SRPK2: variants seen among roughly 807,000 people sequenced by gnomAD.
The protein encoded by SRPK2 is SRSF protein kinase 2.
SRPK2 carries 21 observed loss-of-function variants against 90.8 expected under a neutral mutation model. The observed-to-expected ratio is 0.23, with a 90% confidence interval of 0.16 to 0.33. SRPK2 has a LOEUF of 0.33. SRPK2 is among the 10% of genes least tolerant of loss of function. The pLI is 1.00. For synonymous variants in SRPK2, 288 were observed against 311.1 expected (o/e 0.93, Z 0.78); for missense variants, 620 against 869.0 (o/e 0.71, Z 3.60).
At chr7:105,153,739 TG>T (rs1806097255) in intron 7 of SRPK2, among the ~76,000 whole-genome samples, 1 of 152,128 alleles carries the variant, frequency 6.6e-6, no homozygotes, top group South Asian at 2.1e-4. Context: ...TCCTACTCTG[TG>T]GGTAACAGAA....
At chr7:105,135,478 G>A (rs1467598739) in intron 11 of SRPK2, among the ~76,000 whole-genome samples, 4 of 152,176 alleles carry the variant, frequency 2.6e-5, no homozygotes, top group Admixed American at 6.5e-5. Flanking sequence ...AGCAAGTTCC[G>A]CCCCCACAAA....
chr7:105,159,506 G>C (rs145537563), intron 7 of SRPK2, among the ~76,000 whole-genome samples: 6 of 136,098 alleles, frequency 4.4e-5, no homozygotes, highest in Non-Finnish European at 9.5e-5. Flanking sequence ...GAACACACAG[G>C]CAGGCTAAAC....
chr7:105,361,550 C>T (rs911691339), intron 2 of SRPK2, among the ~76,000 whole-genome samples: 3 of 152,142 alleles, frequency 2.0e-5, no homozygotes, highest in Non-Finnish European at 4.4e-5. Flanking sequence ...AAACTGGAGG[C>T]ATCATGCTAC....
chr7:105,180,291 T>A (rs986318301), intron 3 of SRPK2, among the ~76,000 whole-genome samples: 1 of 152,122 alleles, frequency 6.6e-6, no homozygotes, highest in Non-Finnish European at 1.5e-5. Context: ...AACCAGCTGA[T>A]CTTTGACAAA....
chr7:105,316,199 A>C (rs968534810), intron 2 of SRPK2, among the ~76,000 whole-genome samples: 2 of 151,946 alleles, frequency 1.3e-5, no homozygotes, highest in African/African-American at 4.8e-5. Context: ...TAATTTTTGT[A>C]TTTTTAGTAG....
intron 2 of SRPK2, among the ~76,000 whole-genome samples, chr7:105,244,011 A>C (rs1301873342): frequency 6.6e-6 from 1 of 152,184 alleles, no homozygotes; most frequent in Non-Finnish European, 1.5e-5. Flanking sequence ...TGGGTATTTC[A>C]AACATTGAGT....
At chr7:105,173,971 G>A (rs1369027343) in intron 3 of SRPK2, among the ~76,000 whole-genome samples, 2 of 145,790 alleles carry the variant, frequency 1.4e-5, no homozygotes, top group Non-Finnish European at 3.0e-5. Flanking sequence ...TTAGCCGGGT[G>A]CAGTGGCTCA....
intron 2 of SRPK2, among the ~76,000 whole-genome samples, chr7:105,257,098 T>C (rs1246798164): frequency 7.9e-5 from 12 of 152,194 alleles, no homozygotes; most frequent in Admixed American, 7.9e-4. Context: ...TACACTGATA[T>C]TCTGTACAAA....
chr7:105,226,385 G>A (rs945975600), intron 2 of SRPK2, among the ~76,000 whole-genome samples: 5 of 152,046 alleles, frequency 3.3e-5, no homozygotes, highest in Non-Finnish European at 7.4e-5. Context: ...CACCTCCAGG[G>A]TTCAAGTGAA....
At chr7:105,184,698 G>A (rs1225539805) in intron 3 of SRPK2, among the ~76,000 whole-genome samples, 1 of 152,118 alleles carries the variant, frequency 6.6e-6, no homozygotes, top group Non-Finnish European at 1.5e-5. Context: ...CAGTTTGGCT[G>A]GATGTAAAAT....
intron 2 of SRPK2, among the ~76,000 whole-genome samples, chr7:105,377,386 A>G (rs1459394509): frequency 6.6e-6 from 1 of 151,852 alleles, no homozygotes; most frequent in Non-Finnish European, 1.5e-5. Flanking sequence ...AGGAATTTAT[A>G]TAGAGACCTC....
intron 2 of SRPK2, among the ~76,000 whole-genome samples, chr7:105,294,815 C>T (rs923013496): frequency 6.6e-6 from 1 of 152,140 alleles, no homozygotes; most frequent in Non-Finnish European, 1.5e-5. Context: ...TGTGAGCCAC[C>T]GCACCCAACC....
Position 105,127,011 on chromosome 7 carries a change from C to A in SRPK2, c.1804G>T (p.Asp602Tyr). 2 of 1,614,200 alleles carry A rather than the reference C, an allele frequency of 1.2e-6. No individual in the cohort carries two copies. The highest frequency in any genetic ancestry group is 1.7e-6 in the Non-Finnish European group (2 of 1,180,024). The part of the protein sequence containing the change: ...DYLFEPHSGE[D>Y]YSRDEDHIAH... ...TACTCACCTTCGTCTCTGGAATAGT[C>A]TTCCCCAGAATGTGGTTCAAACAAA... Residue 602 changes from aspartate (D) to tyrosine (Y), a missense_variant, in exon 14 of 16, where the codon GAC becomes TAC. By Grantham distance (160) the Asp-to-Tyr change is radical. Coordinates refer to ENST00000393651, the MANE Select transcript of SRPK2 (RefSeq NM_182692.3).
chr7:105,149,346 G>A (rs576654030), intron 7 of SRPK2, among the ~76,000 whole-genome samples: 93 of 152,252 alleles, frequency 6.1e-4, no homozygotes, highest in South Asian at 8.3e-4. Flanking sequence ...GTACGTGCAC[G>A]TCCAGTCATA....
chr7:105,149,336 G>C (rs190685132), intron 7 of SRPK2, among the ~76,000 whole-genome samples: 2,774 of 152,252 alleles, frequency 0.018, 30 homozygotes, highest in Non-Finnish European at 0.026. Context: ...TAAATCTGGT[G>C]TACGTGCACG....
chr7:105,170,835 GGAAGAAAGAAAGA>G lies in SRPK2; in HGVS notation c.230-1583_230-1571del, dbSNP rs1790785212. ...AGAGAGGGAGAGAAAGAGAAAGAAAGGAAGAAAGAAAGAAAGAAAGAAAGAAAGAAAGAAAGAA... is the reference window on the plus strand; with the variant it reads ...AGAGAGGGAGAGAAAGAGAAAGAAAGAAGAAAGAAAGAAAGAAAGAAAGAA... On this transcript the variant is annotated intron_variant, in intron 3 of 15. Transcript: ENST00000393651. 1.2e-3 allele frequency among the ~76,000 whole-genome samples: 117 copies of G among 98,938 alleles called. 5 individuals carry two copies. Among genetic ancestry groups the G allele is most frequent in the African/African-American group, 4.1e-3 (98 of 23,762 alleles). 64.9% of individuals were successfully genotyped at this position (98,938 alleles called of 152,430 possible).
At chr7:105,115,576 G>A (rs1022553805), downstream of SRPK2, 3 of 152,174 alleles carry the variant, frequency 2.0e-5, no homozygotes, top group Admixed American at 6.5e-5. Context: ...AGCATAACCA[G>A]TGGTTCTCAT....
At chr7:105,337,014 C>T (rs1387622904) in intron 2 of SRPK2, among the ~76,000 whole-genome samples, 2 of 152,052 alleles carry the variant, frequency 1.3e-5, no homozygotes, top group Non-Finnish European at 2.9e-5. Flanking sequence ...GTTGGCCAGG[C>T]TAGTCTCGAA....
chr7:105,129,327 C>T (rs1801657276), intron 13 of SRPK2, among the ~76,000 whole-genome samples: 1 of 152,158 alleles, frequency 6.6e-6, no homozygotes, highest in Middle Eastern at 3.2e-3. Flanking sequence ...ATTCTCTTAA[C>T]AATACAACAT....
Sources: gnomAD v4.1 joint callset for allele counts (sites outside exome capture counted in the v4.1 genomes callset) on GRCh38, gnomAD v4.1.1 for gene constraint, MANE v1.5 for transcripts, NCBI Gene and HGNC (gene_info 2026-07-23, HGNC 2026-07-21) for gene names.